ADAM23: variants seen among roughly 807,000 people sequenced by gnomAD.
ADAM23 encodes the protein disintegrin and metalloproteinase domain-containing protein 23.
ADAM23 carries 33 observed loss-of-function variants against 120.1 expected under a neutral mutation model. The observed-to-expected ratio is 0.27, with a 90% CI of 0.21 to 0.37. The LOEUF (loss-of-function observed/expected upper bound fraction) is 0.37. Among genes scored for constraint, ADAM23 ranks in the 10% least tolerant of loss-of-function variants. The pLI is 1.00. For synonymous variants in ADAM23, 367 were observed against 375.2 expected (o/e 0.98, Z 0.25); for missense variants, 862 against 1,058.2 (o/e 0.81, Z 2.57).
At chr2:206,498,252 A>G (rs1291205587) in intron 3 of ADAM23, among the ~76,000 whole-genome samples, 5 of 152,356 alleles carry the variant, frequency 3.3e-5, no homozygotes, top group Admixed American at 2.6e-4. Context: ...TTCAAACTAT[A>G]CTACAAGGCT....
At chr2:206,507,959 C>G (rs943823214) in intron 3 of ADAM23, among the ~76,000 whole-genome samples, 6 of 152,126 alleles carry the variant, frequency 3.9e-5, no homozygotes, top group Non-Finnish European at 8.8e-5. Flanking sequence ...AGGTCTGTCT[C>G]TCAGTGGAGG....
chr2:206,608,939 T>C (rs114176530), intron 24 of ADAM23, among the ~76,000 whole-genome samples: 1,635 of 152,282 alleles, frequency 0.011, 44 homozygotes, highest in African/African-American at 0.037. Context: ...ACTGAAAGTA[T>C]TTTGTTGTTA....
intron 2 of ADAM23, among the ~76,000 whole-genome samples, chr2:206,467,394 G>A (rs62195938): frequency 0.11 from 16,313 of 152,262 alleles, 967 homozygotes; most frequent in Middle Eastern, 0.15. Flanking sequence ...AGAAATCAGC[G>A]AAAAGAAAGG....
intron 15 of ADAM23, among the ~76,000 whole-genome samples, chr2:206,567,823 G>A (rs998454787): frequency 2.6e-5 from 4 of 152,104 alleles, no homozygotes; most frequent in African/African-American, 7.2e-5. Context: ...ATTTCCACAT[G>A]GCTAGGGAGG....
chr2:206,532,165 T>C (rs1304853805), intron 4 of ADAM23, among the ~76,000 whole-genome samples: 2 of 152,134 alleles, frequency 1.3e-5, no homozygotes, highest in African/African-American at 4.8e-5. Flanking sequence ...TTGTACAAAC[T>C]GAAGCTTCTG....
Position 206,526,173 on chromosome 2 carries a change from C to CACACAG in ADAM23, c.510-4707_510-4706insGACACA, listed in dbSNP as rs2105794271. Among the ~76,000 whole-genome samples the CACACAG allele has an allele frequency of 3.4e-5, 5 of 147,570 alleles. No individual in the cohort carries two copies. The South Asian group carries it at 1.1e-3, about 32-fold the overall frequency. On this transcript the variant is annotated intron_variant, in intron 3 of 25. Coordinates refer to ENST00000264377, the MANE Select transcript of ADAM23 (RefSeq NM_003812.4). ...ACACACACACACACACACACACACA[C>CACACAG]ACACACAGACACACACAGACACACG...
chr2:206,563,142 C>A (rs1283020507), intron 13 of ADAM23, among the ~76,000 whole-genome samples: 1 of 152,108 alleles, frequency 6.6e-6, no homozygotes, highest in African/African-American at 2.4e-5. Context: ...CTAATGCAAT[C>A]CGGTGGAAAG....
intron 4 of ADAM23, among the ~76,000 whole-genome samples, chr2:206,531,952 T>G (rs1227505474): frequency 1.3e-5 from 2 of 152,220 alleles, no homozygotes; most frequent in Non-Finnish European, 2.9e-5. Flanking sequence ...TCTCAGGATT[T>G]ATAACATTTC....
intron 5 of ADAM23, 92 bp from the exon 6 acceptor site, chr2:206,543,161 T>C (rs1478906780): frequency 9.0e-7 from 1 of 1,114,884 alleles, no homozygotes; most frequent in African/African-American, 1.5e-5. Context: ...ATACTCTTTA[T>C]TTTGAAGACA....
At chr2:206,574,741 A>T (rs1016717566) in intron 18 of ADAM23, among the ~76,000 whole-genome samples, 1 of 152,182 alleles carries the variant, frequency 6.6e-6, no homozygotes, top group African/African-American at 2.4e-5. Context: ...CCCTGGCTTC[A>T]TGGCCTATGT....
intron 3 of ADAM23, among the ~76,000 whole-genome samples, chr2:206,507,739 A>G (rs1450580315): frequency 2.0e-5 from 3 of 152,218 alleles, no homozygotes; most frequent in Non-Finnish European, 4.4e-5. Context: ...TTTAAGCCGT[A>G]GTCTAATACT....
chr2:206,547,535 A>G (rs1444324404), intron 7 of ADAM23, 34 bp downstream of exon 7: 1 of 1,548,040 alleles, frequency 6.5e-7, no homozygotes, highest in African/African-American at 1.4e-5. Context: ...ATTATATTTT[A>G]TGTAGTATGA....
chr2:206,608,054 C>A, intron 24 of ADAM23: 1 of 403,218 alleles, frequency 2.5e-6, no homozygotes, highest in South Asian at 1.9e-5. Context: ...AAATTTGATT[C>A]TCTGTTGAAT....
chr2:206,593,364 T>A (rs1698462438), intron 22 of ADAM23, among the ~76,000 whole-genome samples: 1 of 152,200 alleles, frequency 6.6e-6, no homozygotes, highest in Admixed American at 6.5e-5. Context: ...ATGGTATTGT[T>A]GTTGCTCAAA....
chr2:206,531,030 C>T (rs1313481057), intron 4 of ADAM23, 82 bp downstream of exon 4: 9 of 1,091,590 alleles, frequency 8.2e-6, no homozygotes, highest in East Asian at 8.0e-5. Flanking sequence ...GTTGTTTTGA[C>T]GTCTGTCTCA....
intron 24 of ADAM23, among the ~76,000 whole-genome samples, chr2:206,598,715 C>T (rs1278874453): frequency 2.0e-5 from 3 of 152,168 alleles, no homozygotes; most frequent in African/African-American, 7.2e-5. Flanking sequence ...GCCTGGCCAA[C>T]ATGGTGAAAC....
In ADAM23 at chr2:206,588,081, C is replaced by T; in HGVS notation, c.1789-10C>T. The T allele has an allele frequency of 1.2e-6, 2 of 1,614,062 alleles. No homozygotes were observed. The highest frequency in any genetic ancestry group is 3.3e-4 in the Middle Eastern group (2 of 6,054). ...CTCTGTGTGCCTCACATGTGTGCTC[C>T]TGTCCCCAGGGCCGCTGCTACAATG... is the stretch of plus-strand genomic sequence containing the variant. On this transcript the variant is annotated splice_polypyrimidine_tract_variant and intron_variant, in intron 19 of 25. Transcript: ENST00000264377.
intron 17 of ADAM23, among the ~76,000 whole-genome samples, chr2:206,572,300 CAT>C (rs1353724848): frequency 6.6e-6 from 1 of 152,182 alleles, no homozygotes; most frequent in Non-Finnish European, 1.5e-5. Context: ...AATGCACACT[CAT>C]ATGTGTATAT....
intron 18 of ADAM23, among the ~76,000 whole-genome samples, chr2:206,586,517 G>A (rs1479810140): frequency 1.3e-5 from 2 of 152,180 alleles, no homozygotes; most frequent in Non-Finnish European, 2.9e-5. Flanking sequence ...CAATTGGAAG[G>A]ATGGAACATC....
Sources: gnomAD v4.1 joint callset for allele counts (sites outside exome capture counted in the v4.1 genomes callset) on GRCh38, gnomAD v4.1.1 for gene constraint, MANE v1.5 for transcripts, NCBI Gene and HGNC (gene_info 2026-07-23, HGNC 2026-07-21) for gene names.